RCOR2: variants seen among roughly 807,000 people sequenced by gnomAD.
RCOR2 encodes REST corepressor 2.
Under a neutral mutation model 58.9 loss-of-function variants are expected in RCOR2, and 19 were observed. That is an observed-to-expected ratio of 0.32 (90% CI 0.23 to 0.47). The LOEUF (loss-of-function observed/expected upper bound fraction) is 0.47, where lower values mean the gene tolerates loss of function less well. Ranked by LOEUF, RCOR2 falls within the 20% of genes least tolerant of loss-of-function variation. The pLI, the probability that RCOR2 is intolerant of heterozygous loss-of-function variation, is 1.00. For missense variants in RCOR2, 590 were observed against 707.9 expected (o/e 0.83, Z 1.89); for synonymous variants, 286 against 278.7 (o/e 1.03, Z -0.26).
In RCOR2 at chr11:63,912,896, C is replaced by T. The variant is rs573148733; in HGVS notation, c.943G>A (p.Gly315Ser). Residue 315 changes from glycine to serine, a missense_variant, in exon 9 of 12, where the codon GGT (glycine) becomes AGT (serine). Around this residue, in one of 3 missense-constraint regions of RCOR2, gnomAD observed 390 missense variants for 478.7 expected, o/e 0.81. Transcript: ENST00000301459. ...TCCGGGGGGCGTAGTGGATCAATACCGCCCTCCAGGGCTTGGCGCAGGCTG... is the reference window on the plus strand; with the variant it reads ...TCCGGGGGGCGTAGTGGATCAATACTGCCCTCCAGGGCTTGGCGCAGGCTG... ...NSSLRQALEG[G>S]IDPLRPPEAN... is the part of the protein sequence containing the mutation. 8.1e-6 allele frequency: 13 copies of T among 1,613,646 alleles called. No individual in the cohort carries two copies. The South Asian group carries it at 9.9e-5, about 12-fold the overall frequency.
chr11:63,917,324 C>G (rs1302719508), upstream of RCOR2, among the ~76,000 whole-genome samples: 2 of 152,120 alleles, frequency 1.3e-5, no homozygotes, highest in African/African-American at 4.8e-5. Flanking sequence ...GATCAGGACC[C>G]TGGTGGGGCG....
At chr11:63,915,067 G>T in intron 3 of RCOR2, 111 bp downstream of exon 3, 1 of 1,540,570 alleles carries the variant, frequency 6.5e-7, no homozygotes, top group South Asian at 1.1e-5. Flanking sequence ...CGAGCCCCAG[G>T]GCAAGGGTTG....
chr11:63,912,387 C>T lies in RCOR2; in HGVS notation c.1175G>A (p.Gly392Glu), dbSNP rs759339665. 10 of 1,613,808 alleles carry T rather than the reference C, an allele frequency of 6.2e-6. No homozygotes were observed. In the East Asian group the frequency reaches 2.2e-4, roughly 36 times the overall value. The change falls in exon 11 of 12, where the codon GGG becomes GAG. Residue 392 changes from glycine to glutamate, a missense_variant. By Grantham distance (98) the Gly-to-Glu change is moderately conservative. Coordinates refer to ENST00000301459, the MANE Select transcript of RCOR2 (RefSeq NM_173587.4). ...VLQEWEAEQD[G>E]APGAPVPMEE... ...CATGGGGACTGGGGCTCCAGGGGCC[C>T]CATCCTGCTCAGCCTCCCATTCCTG...
In RCOR2 at chr11:63,911,733, C is replaced by G; in HGVS notation, c.*132G>C. 1 of 1,343,734 alleles carries G rather than the reference C, an allele frequency of 7.4e-7. No individual in the cohort carries two copies. The allele number at this position is 1,343,734 out of a possible 1,614,324, so 83.2% of individuals were successfully genotyped here. On this transcript the variant is annotated 3_prime_UTR_variant, in exon 12 of 12. Transcript: ENST00000301459. ...GCAGAACCCAAAGGGCGGGGCTGGG[C>G]TGTCCGAAACTCTGGTCTTACAAAG... is the stretch of plus-strand genomic sequence containing the variant.
Position 63,916,789 on chromosome 11 carries a change from C to A in RCOR2, c.-333G>T, listed in dbSNP as rs549118534. On this transcript the variant is annotated 5_prime_UTR_variant, in exon 1 of 12. Transcript: ENST00000301459. ...CCCTGAAGTCGGGGCCCCCTGTCCT[C>A]GGGGCGCCCTGGAACCCCACCGCCC... The A allele has an allele frequency of 3.9e-6, 1 of 255,422 alleles. No homozygotes were observed. Among genetic ancestry groups the A allele is most frequent in the African/African-American group, 2.2e-5 (1 of 44,502 alleles). The allele number at this position is 255,422 out of a possible 1,614,324, so 15.8% of individuals were successfully genotyped here.
chr11:63,925,865 A>G, the RCOR2 span, among the ~76,000 whole-genome samples: 2 of 151,678 alleles, frequency 1.3e-5, no homozygotes, highest in African/African-American at 4.8e-5. Context: ...TGGAGGAGAA[A>G]AAGTCACCCA....
Position 63,912,896 on chromosome 11 carries a change from C to G in RCOR2, c.943G>C (p.Gly315Arg). 1 of 1,613,646 alleles carries G rather than the reference C, an allele frequency of 6.2e-7. No homozygotes were observed. The highest frequency in any genetic ancestry group is 8.5e-7 in the Non-Finnish European group (1 of 1,179,880). The change falls in exon 9 of 12, where the codon GGT becomes CGT. Residue 315 changes from glycine to arginine, a missense_variant. Physicochemically the swap from Gly to Arg is moderately radical, Grantham distance 125. This residue lies in a region of RCOR2 where 390 missense variants were observed against 478.7 expected (regional missense o/e 0.81). Transcript: ENST00000301459. ...NSSLRQALEG[G>R]IDPLRPPEAN... ...TCCGGGGGGCGTAGTGGATCAATAC[C>G]GCCCTCCAGGGCTTGGCGCAGGCTG...
At chr11:63,927,171 G>A in the RCOR2 span, among the ~76,000 whole-genome samples, 2 of 152,046 alleles carry the variant, frequency 1.3e-5, no homozygotes, top group African/African-American at 2.4e-5. Flanking sequence ...CTTACCTTTC[G>A]AAATGAAGCT....
upstream of RCOR2, among the ~76,000 whole-genome samples, chr11:63,920,480 T>G (rs1456382060): frequency 1.3e-5 from 2 of 151,994 alleles, no homozygotes; most frequent in Non-Finnish European, 2.9e-5. Flanking sequence ...CTGGCCGCTG[T>G]GGTGTGTTGC....
the RCOR2 span, among the ~76,000 whole-genome samples, chr11:63,924,854 G>GGTT: frequency 2.2e-5 from 1 of 45,502 alleles, no homozygotes; most frequent in Non-Finnish European, 9.2e-5. Context: ...CAGCCAAGGT[G>GGTT]ATTTTTTTTT....
chr11:63,913,491 A>ATTT (rs775816114), intron 8 of RCOR2, among the ~76,000 whole-genome samples: 10 of 126,694 alleles, frequency 7.9e-5, no homozygotes, highest in African/African-American at 2.8e-4. Flanking sequence ...TGCTCGGCCT[A>ATTT]TTTTTTTTTG....
At chr11:63,927,430 C>A in the RCOR2 span, among the ~76,000 whole-genome samples, 18 of 151,978 alleles carry the variant, frequency 1.2e-4, no homozygotes, top group African/African-American at 4.4e-4. Flanking sequence ...CCACCACACC[C>A]AATTAACTTT....
intron 3 of RCOR2, 77 bp from the exon 4 acceptor site, chr11:63,915,031 C>T: frequency 1.3e-6 from 2 of 1,582,972 alleles, no homozygotes; most frequent in East Asian, 2.2e-5. Flanking sequence ...AAAGGGACCA[C>T]CCCACAACGG....
chr11:63,917,588 G>T (rs1941879186), upstream of RCOR2, among the ~76,000 whole-genome samples: 1 of 152,136 alleles, frequency 6.6e-6, no homozygotes, highest in Admixed American at 6.5e-5. Flanking sequence ...CCCTTCCGCA[G>T]GGGGGACCCC....
In RCOR2 at chr11:63,913,926, A is replaced by G. The variant is rs757141695; in HGVS notation, c.891+28T>C. The G allele has an allele frequency of 3.7e-6, 6 of 1,607,596 alleles. No individual in the cohort carries two copies. The South Asian group carries it at 6.6e-5, about 18-fold the overall frequency. ...CCCAGGTGCCGAATGCCACCTTTGC[A>G]TAGCCCGTTCATTTCCCAGGGCCCC... On this transcript the variant is annotated intron_variant, in intron 8 of 11. Transcript: ENST00000301459.
intron 9 of RCOR2, 48 bp downstream of exon 9, chr11:63,912,822 T>A (rs1000242364): frequency 4.4e-6 from 7 of 1,607,668 alleles, no homozygotes; most frequent in Non-Finnish European, 6.0e-6. Context: ...CTGCTCTGCC[T>A]CCAGAGAGAA....
chr11:63,916,738 A>C lies in RCOR2; in HGVS notation c.-282T>G. On this transcript the variant is annotated 5_prime_UTR_variant, in exon 1 of 12. Coordinates refer to ENST00000301459, the MANE Select transcript of RCOR2 (RefSeq NM_173587.4). The stretch of plus-strand genomic sequence containing the variant: ...CCGGTGCGGCTGGGGCGTGATTACT[A>C]TGTACGCCCCTCAGGGTTGGGGTTC... The C allele has an allele frequency of 4.9e-5, 21 of 427,888 alleles. No individual in the cohort carries two copies. Among genetic ancestry groups the C allele is most frequent in the Admixed American group, 1.2e-4 (3 of 24,474 alleles). 26.5% of individuals were successfully genotyped at this position (427,888 alleles called of 1,614,324 possible).
At chr11:63,914,864 T>C in intron 4 of RCOR2, 38 bp downstream of exon 4, 1 of 1,611,920 alleles carries the variant, frequency 6.2e-7, no homozygotes, top group Non-Finnish European at 8.5e-7. Flanking sequence ...CCGGCACCGT[T>C]CCACCCCATT....
At position 63,911,739 on chromosome 11, in the gene RCOR2, G is replaced by C. The variant is rs756068600; in HGVS notation, c.*126C>G. ...CCCAAAGGGCGGGGCTGGGCTGTCC[G>C]AAACTCTGGTCTTACAAAGACCCCG... On this transcript the variant is annotated 3_prime_UTR_variant, in exon 12 of 12. Coordinates refer to ENST00000301459, the MANE Select transcript of RCOR2 (RefSeq NM_173587.4). 6 of 1,369,662 alleles carry C rather than the reference G, an allele frequency of 4.4e-6. No homozygotes were observed. The highest frequency in any genetic ancestry group is 3.7e-6 in the Non-Finnish European group (4 of 1,066,692). The allele number at this position is 1,369,662 out of a possible 1,614,324, so 84.8% of individuals were successfully genotyped here.
Sources: gnomAD v4.1 joint callset for allele counts (sites outside exome capture counted in the v4.1 genomes callset) on GRCh38, gnomAD v4.1.1 for gene constraint, gnomAD v4.1.1 regional missense constraint, MANE v1.5 for transcripts, NCBI Gene and HGNC (gene_info 2026-07-23, HGNC 2026-07-21) for gene names.